The following ZC3H12B variants were observed in gnomAD, a reference collection of about 807,000 sequenced individuals.
ZC3H12B encodes the protein zinc finger CCCH-type containing 12B, also known as probable ribonuclease ZC3H12B.
A neutral mutation model predicts 43.9 loss-of-function variants in ZC3H12B; 7 were observed. The observed-to-expected ratio is 0.16, with a 90% CI of 0.09 to 0.30. ZC3H12B has a LOEUF of 0.30. ZC3H12B is among the 10% of genes least tolerant of loss of function. ZC3H12B has a pLI of 1.00. For missense variants in ZC3H12B, 475 were observed against 670.2 expected (o/e 0.71, Z 3.22); for synonymous variants, 222 against 241.7 (o/e 0.92, Z 0.76).
chrX:65,192,738 TG>T, the ZC3H12B span, among the ~76,000 whole-genome samples: 1 of 109,970 alleles, frequency 9.1e-6, no homozygotes, highest in African/African-American at 3.4e-5. Flanking sequence ...TTGTTTAATT[TG>T]TTTTGCTAAT....
At chrX:65,059,111 G>A in the ZC3H12B span, among the ~76,000 whole-genome samples, 50 of 111,090 alleles carry the variant, frequency 4.5e-4, no homozygotes, top group Non-Finnish European at 7.7e-4. Context: ...AAGCCCCAGT[G>A]AGATGAACCC....
At chrX:65,249,029 T>C in the ZC3H12B span, among the ~76,000 whole-genome samples, 1 of 111,558 alleles carries the variant, frequency 9.0e-6, no homozygotes, top group Non-Finnish European at 1.9e-5. Flanking sequence ...ACTCTGTGGG[T>C]TTTCTGTTTA....
exon 5 of ZC3H12B, chrX:65,503,182 T>A: frequency 8.3e-7 from 1 of 1,209,093 alleles, no homozygotes; most frequent in Non-Finnish European, 1.1e-6. Flanking sequence ...CAGCCTTGAT[T>A]GTTGCTAAGC....
the ZC3H12B span, among the ~76,000 whole-genome samples, chrX:65,123,249 A>G: frequency 4.8e-4 from 54 of 111,827 alleles, no homozygotes; most frequent in Non-Finnish European, 8.5e-4. Context: ...CGTATGTTGA[A>G]CCAGCCTTGC....
At chrX:65,243,794 T>C in the ZC3H12B span, among the ~76,000 whole-genome samples, 2 of 109,921 alleles carry the variant, frequency 1.8e-5, no homozygotes, top group African/African-American at 6.5e-5. Context: ...CAGCAATAAA[T>C]ATAATGAAGT....
chrX:65,189,925 T>C, the ZC3H12B span, among the ~76,000 whole-genome samples: 1 of 108,363 alleles, frequency 9.2e-6, no homozygotes, highest in African/African-American at 3.5e-5. Flanking sequence ...GTTTTTATGG[T>C]TTTAGGTCTA....
the ZC3H12B span, among the ~76,000 whole-genome samples, chrX:65,282,601 G>A: frequency 9.0e-6 from 1 of 111,363 alleles, no homozygotes; most frequent in African/African-American, 3.3e-5. Context: ...AAAAAAGAGA[G>A]AAGAATCAAA....
chrX:65,219,508 A>G, the ZC3H12B span, among the ~76,000 whole-genome samples: 1 of 111,432 alleles, frequency 9.0e-6, no homozygotes, highest in African/African-American at 3.3e-5. Context: ...GAATTGTGAA[A>G]TGCACTGTAA....
At chrX:65,301,920 A>G in the ZC3H12B span, among the ~76,000 whole-genome samples, 3 of 111,646 alleles carry the variant, frequency 2.7e-5, no homozygotes, top group Non-Finnish European at 5.6e-5. Context: ...GAAAAATGCC[A>G]TATTCATATA....
chrX:65,154,380 G>T, the ZC3H12B span, among the ~76,000 whole-genome samples: 2 of 110,987 alleles, frequency 1.8e-5, no homozygotes, highest in South Asian at 7.5e-4. Flanking sequence ...TTTCTGTTTT[G>T]CACTGAGATT....
At chrX:65,450,045 G>A (rs1024039697) in intron 3 of ZC3H12B, among the ~76,000 whole-genome samples, 2 of 109,244 alleles carry the variant, frequency 1.8e-5, no homozygotes, top group South Asian at 3.9e-4. Flanking sequence ...GGTAACTCAC[G>A]CCTGTAATCC....
At chrX:65,439,741 C>T (rs2067277054) in intron 3 of ZC3H12B, among the ~76,000 whole-genome samples, 1 of 111,725 alleles carries the variant, frequency 9.0e-6, no homozygotes, top group Non-Finnish European at 1.9e-5. Context: ...GACTGGTTGT[C>T]CCGCTTTCCT....
the ZC3H12B span, among the ~76,000 whole-genome samples, chrX:65,201,848 G>T: frequency 9.4e-6 from 1 of 106,464 alleles, no homozygotes; most frequent in Non-Finnish European, 1.9e-5. Context: ...TCTCCATGCT[G>T]TTCTCGTGAC....
At chrX:65,160,174 A>G in the ZC3H12B span, among the ~76,000 whole-genome samples, 1 of 111,888 alleles carries the variant, frequency 8.9e-6, no homozygotes, top group Non-Finnish European at 1.9e-5. Flanking sequence ...CCAGTATTTT[A>G]TTGAGGATTT....
the ZC3H12B span, among the ~76,000 whole-genome samples, chrX:65,272,095 T>C: frequency 9.1e-6 from 1 of 109,500 alleles, no homozygotes; most frequent in Non-Finnish European, 1.9e-5. Flanking sequence ...GTGCCTGTAG[T>C]CCCAGCTACT....
At chrX:65,196,106 G>A in the ZC3H12B span, among the ~76,000 whole-genome samples, 6 of 110,125 alleles carry the variant, frequency 5.4e-5, no homozygotes, top group East Asian at 5.7e-4. Context: ...TCAAGGGCCT[G>A]CAGGAACAGC....
the ZC3H12B span, among the ~76,000 whole-genome samples, chrX:65,353,830 T>C: frequency 9.0e-6 from 1 of 111,340 alleles, no homozygotes; most frequent in Non-Finnish European, 1.9e-5. Flanking sequence ...CCCCTCACAG[T>C]GTAAACAAAG....
At chrX:65,488,936 C>T (rs1012536171) in exon 1 of ZC3H12B, 1 of 1,210,453 alleles carries the variant, frequency 8.3e-7, no homozygotes, top group African/African-American at 1.7e-5. Context: ...CTGAGAGTGA[C>T]CCTGAACAGA....
At chrX:65,354,357 CA>C in the ZC3H12B span, among the ~76,000 whole-genome samples, 1 of 112,098 alleles carries the variant, frequency 8.9e-6, no homozygotes, top group South Asian at 3.7e-4. Flanking sequence ...AGCAGACCTG[CA>C]GCAGAGGGGC....
Sources: gnomAD v4.1 joint callset for allele counts (sites outside exome capture counted in the v4.1 genomes callset) on GRCh38, gnomAD v4.1.1 for gene constraint, MANE v1.5 for transcripts, NCBI Gene and HGNC (gene_info 2026-07-23, HGNC 2026-07-21) for gene names.